SIGLEC12: variants seen among roughly 807,000 people sequenced by gnomAD.
SIGLEC12 encodes sialic acid binding Ig like lectin 12.
A neutral mutation model predicts 54.1 loss-of-function variants in SIGLEC12; 43 were observed. The observed-to-expected ratio is 0.80, with a 90% CI of 0.62 to 1.03. The LOEUF is 1.03. SIGLEC12 is among the 50% of genes least tolerant of loss of function. The probability of loss-of-function intolerance (pLI) is 0.00; values close to 1 mark genes in which losing one functional copy is unlikely to be tolerated. For missense variants in SIGLEC12, 802 were observed against 735.2 expected, an observed-to-expected ratio of 1.09 and a Z score of -1.05; for synonymous variants, 357 against 307.6, an observed-to-expected ratio of 1.16 and a Z score of -1.68.
chr19:51,492,955 G>A (rs1479371842), intron 7 of SIGLEC12, among the ~76,000 whole-genome samples: 1 of 152,190 alleles, frequency 6.6e-6, no homozygotes, highest in Admixed American at 6.5e-5. Flanking sequence ...CTCACACGGT[G>A]GAGAGTGACA....
Position 51,499,291 on chromosome 19 carries a change from A to T in SIGLEC12, c.1088-74T>A, listed in dbSNP as rs76072416. 3,747 of 1,589,746 alleles carry T rather than the reference A, an allele frequency of 2.4e-3. 58 individuals are homozygous for T. The African/African-American group carries it at 0.042, about 18-fold the overall frequency. On this transcript the variant is annotated intron_variant, in intron 3 of 7. Coordinates refer to ENST00000291707, the MANE Select transcript of SIGLEC12 (RefSeq NM_053003.4). ...CTGACCCTGTCTCCCCAGGAGCCCC[A>T]TAAATGGGGAAGGTGGAGCCAGCAT...
chr19:51,498,954 C>T (rs1599954989), intron 4 of SIGLEC12, among the ~76,000 whole-genome samples: 1 of 152,082 alleles, frequency 6.6e-6, no homozygotes, highest in East Asian at 1.9e-4. Context: ...GTCCCTCTAC[C>T]CTTGCTGTGG....
Position 51,501,724 on chromosome 19 carries a change from G to A in SIGLEC12, c.10C>T (p.Leu4=), listed in dbSNP as rs1291793672. 1 of 1,604,932 alleles carries A rather than the reference G, an allele frequency of 6.2e-7. No homozygotes were observed. Among genetic ancestry groups the A allele is most frequent in the Non-Finnish European group, 8.5e-7 (1 of 1,173,902 alleles). The change falls in exon 1 of 8, where the codon CTG becomes TTG. Residue 4 remains leucine (L), a synonymous_variant. Coordinates refer to ENST00000291707, the MANE Select transcript of SIGLEC12 (RefSeq NM_053003.4). The part of the protein sequence containing the change: MLL[L]LLLLPPLLCG... ...AGCAGGGGTGGCAGCAGTAGCAGCA[G>A]CAGTAGCATGTGTCGGGTTGGAGGT... is the stretch of plus-strand genomic sequence containing the variant.
chr19:51,501,738 C>T lies in SIGLEC12; in HGVS notation c.-5G>A, dbSNP rs756013982. On this transcript the variant is annotated 5_prime_UTR_variant, in exon 1 of 8. Coordinates refer to ENST00000291707, the MANE Select transcript of SIGLEC12 (RefSeq NM_053003.4). ...CAGTAGCAGCAGCAGTAGCATGTGT[C>T]GGGTTGGAGGTGCCAGGGTTGCTGA... The T allele has an allele frequency of 6.9e-6, 11 of 1,595,638 alleles. No homozygotes were observed. The highest frequency in any genetic ancestry group is 3.4e-5 in the South Asian group (3 of 89,110).
chr19:51,496,280 C>T (rs1599952374), intron 7 of SIGLEC12, among the ~76,000 whole-genome samples: 1 of 151,416 alleles, frequency 6.6e-6, no homozygotes, highest in African/African-American at 2.4e-5. Flanking sequence ...ACCAGCCTGA[C>T]CAACATGGAG....
Position 51,497,423 on chromosome 19 carries a change from T to C in SIGLEC12, c.1428A>G (p.Gly476=). The C allele has an allele frequency of 6.2e-7, 1 of 1,612,094 alleles. No homozygotes were observed. The highest frequency in any genetic ancestry group is 8.5e-7 in the Non-Finnish European group (1 of 1,178,530). The change falls in exon 6 of 8, where the codon GGA becomes GGG. Residue 476 remains glycine (G), a synonymous_variant. Coordinates refer to ENST00000291707, the MANE Select transcript of SIGLEC12 (RefSeq NM_053003.4). ...EYTGKMRPIS[G]VTLGAFGGAG... is the part of the protein sequence containing the mutation. ...CTCCCCCGAATGCCCCTAGCGTCACTCCTGATATAGGCCTCATTTTGCCTG... is the reference window on the plus strand; with the variant it reads ...CTCCCCCGAATGCCCCTAGCGTCACCCCTGATATAGGCCTCATTTTGCCTG...
chr19:51,493,691 A>T (rs1990161819), intron 7 of SIGLEC12, among the ~76,000 whole-genome samples: 1 of 152,094 alleles, frequency 6.6e-6, no homozygotes, highest in South Asian at 2.1e-4. Flanking sequence ...TCTATTGGCA[A>T]TTCTCATAAG....
intron 7 of SIGLEC12, among the ~76,000 whole-genome samples, chr19:51,495,726 T>G (rs1040135056): frequency 1.3e-5 from 2 of 152,216 alleles, no homozygotes; most frequent in Non-Finnish European, 2.9e-5. Flanking sequence ...TTTCCACAGA[T>G]GGGTCGCTGG....
chr19:51,500,065 G>T lies in SIGLEC12; in HGVS notation c.663C>A (p.Leu221=). 6.2e-7 allele frequency: 1 copy of T among 1,614,136 alleles called. No homozygotes were observed. The highest frequency in any genetic ancestry group is 8.5e-7 in the Non-Finnish European group (1 of 1,179,994). ...TGTTGGTCTGTGGGTCCCCAAGGAG[G>T]AGGAATCGACCGTGGGTATCCTCTT... ...KVQEDTHGRF[L]LLGDPQTNNC... is the part of the protein sequence containing the mutation. Residue 221 remains leucine (L), a synonymous_variant, in exon 2 of 8, where the codon CTC becomes CTA. Transcript: ENST00000291707.
At chr19:51,499,842 G>A (rs964378213) in intron 2 of SIGLEC12, 78 bp downstream of exon 2, 1 of 1,546,974 alleles carries the variant, frequency 6.5e-7, no homozygotes, top group South Asian at 1.2e-5. Context: ...CTCCCTCCCA[G>A]GATGGGGGTC....
In SIGLEC12 at chr19:51,501,339, T is replaced by C. The variant is rs1420197298; in HGVS notation, c.395A>G (p.Tyr132Cys). Residue 132 changes from tyrosine to cysteine, a missense_variant, in exon 1 of 8, where the codon TAT (tyrosine) becomes TGT (cysteine). Tyr to Cys is a radical substitution (Grantham distance 194). Coordinates refer to ENST00000291707, the MANE Select transcript of SIGLEC12 (RefSeq NM_053003.4). ...CVERGNMKWN[Y>C]KYDQLSVNVT... ...ATTCACAGAGAGCTGGTCATATTTA[T>C]AATTCCATTTCATATTTCCTCTCTC... 1.4e-5 allele frequency: 23 copies of C among 1,614,132 alleles called. No homozygotes were observed. Among genetic ancestry groups the C allele is most frequent in the Non-Finnish European group, 1.9e-5 (23 of 1,180,048 alleles).
rs1450949590 is a variant in SIGLEC12 at position 51,497,419 on chromosome 19, T to C, written c.1432A>G (p.Thr478Ala). 1 of 1,612,466 alleles carries C rather than the reference T, an allele frequency of 6.2e-7. No individual in the cohort carries two copies. The highest frequency in any genetic ancestry group is 8.5e-7 in the Non-Finnish European group (1 of 1,178,798). ...TGKMRPISGV[T>A]LGAFGGAGAT... ...CCAGCTCCCCCGAATGCCCCTAGCG[T>C]CACTCCTGATATAGGCCTCATTTTG... The change falls in exon 6 of 8, where the codon ACG becomes GCG. Residue 478 changes from threonine to alanine, a missense_variant. Coordinates refer to ENST00000291707, the MANE Select transcript of SIGLEC12 (RefSeq NM_053003.4).
chr19:51,495,584 A>T (rs1990222733), intron 7 of SIGLEC12, among the ~76,000 whole-genome samples: 1 of 152,114 alleles, frequency 6.6e-6, no homozygotes, highest in African/African-American at 2.4e-5. Flanking sequence ...TCTACATTGC[A>T]TTTTCCCTAA....
At chr19:51,500,501 A>G in intron 1 of SIGLEC12, 2 of 827,506 alleles carry the variant, frequency 2.4e-6, no homozygotes, top group East Asian at 5.3e-5. Context: ...TGGAAGAGAA[A>G]CTGCAAACCC....
chr19:51,494,491 G>A (rs1990177305), intron 7 of SIGLEC12, among the ~76,000 whole-genome samples: 1 of 152,222 alleles, frequency 6.6e-6, no homozygotes, highest in South Asian at 2.1e-4. Flanking sequence ...GGAGAAATGG[G>A]AACCCTTGTG....
chr19:51,501,442 C>A lies in SIGLEC12; in HGVS notation c.292G>T (p.Asp98Tyr). ...ETRDRFHLLGDPQNKDCTLSI... is the reference protein window; with the variant it reads ...ETRDRFHLLGYPQNKDCTLSI... ...AGGGTACAATCCTTGTTCTGTGGGT[C>A]CCCAAGGAGGTGGAATCGGTCCCGA... is the stretch of plus-strand genomic sequence containing the variant. Residue 98 changes from aspartate to tyrosine, a missense_variant, in exon 1 of 8, where the codon GAC becomes TAC. Asp to Tyr is a radical substitution (Grantham distance 160). Transcript: ENST00000291707. 6.2e-7 allele frequency: 1 copy of A among 1,614,190 alleles called. No individual in the cohort carries two copies. The highest frequency in any genetic ancestry group is 8.5e-7 in the Non-Finnish European group (1 of 1,180,036).
At chr19:51,492,812 T>C (rs560560417) in intron 7 of SIGLEC12, among the ~76,000 whole-genome samples, 6 of 152,338 alleles carry the variant, frequency 3.9e-5, no homozygotes, top group African/African-American at 1.4e-4. Flanking sequence ...TGCCTGCCAA[T>C]GCCTTGATTT....
intron 4 of SIGLEC12, 114 bp downstream of exon 4, chr19:51,499,056 G>T (rs899467226): frequency 9.6e-7 from 1 of 1,039,664 alleles, no homozygotes. Context: ...GGCTGAGGGA[G>T]GGGGGGGCCG....
intron 7 of SIGLEC12, 94 bp downstream of exon 7, chr19:51,496,786 G>A (rs1232681690): frequency 3.5e-6 from 5 of 1,431,998 alleles, no homozygotes; most frequent in Non-Finnish European, 4.9e-6. Context: ...TCGGCTGTAG[G>A]GGAAGAAAGG....
Sources: allele counts gnomAD v4.1 joint callset (sites outside exome capture counted in the v4.1 genomes callset), GRCh38; gene constraint gnomAD v4.1.1; transcripts MANE v1.5; gene names NCBI Gene and HGNC (gene_info 2026-07-23, HGNC 2026-07-21).